The following VAMP4 variants were observed in gnomAD, a reference collection of about 807,000 sequenced individuals.
The protein encoded by VAMP4 is vesicle-associated membrane protein 4.
A neutral mutation model predicts 23.5 loss-of-function variants in VAMP4; 19 were observed. The ratio of observed to expected loss-of-function variants is 0.81; its 90% confidence interval spans 0.56 to 1.19. VAMP4 has a LOEUF of 1.19. Among genes scored for constraint, VAMP4 ranks in the 50% most tolerant of loss-of-function variants. The probability of loss-of-function intolerance (pLI) is 0.00; values close to 1 mark genes in which losing one functional copy is unlikely to be tolerated. For synonymous variants in VAMP4, 31 were observed against 51.0 expected (o/e 0.61, Z 1.67); for missense variants, 145 against 168.6 (o/e 0.86, Z 0.78).
chr1:171,720,700 T>G (rs1331131954), intron 3 of VAMP4, among the ~76,000 whole-genome samples: 2 of 152,032 alleles, frequency 1.3e-5, no homozygotes, highest in African/African-American at 4.8e-5. Context: ...AGGACTAGAT[T>G]TGTTCAGTTG....
intron 7 of VAMP4, 69 bp from the exon 8 acceptor site, chr1:171,704,603 T>C: frequency 8.0e-7 from 1 of 1,253,362 alleles, no homozygotes; most frequent in Non-Finnish European, 1.1e-6. Context: ...GAAGCAATAT[T>C]CCTAAATGTA....
chr1:171,721,053 A>G (rs1474207080), intron 3 of VAMP4, among the ~76,000 whole-genome samples: 2 of 152,138 alleles, frequency 1.3e-5, no homozygotes, highest in Non-Finnish European at 2.9e-5. Context: ...ACCAAAAAAA[A>G]TGATCATCTC....
intron 6 of VAMP4, among the ~76,000 whole-genome samples, chr1:171,707,343 A>G (rs1213673897): frequency 6.6e-6 from 1 of 152,208 alleles, no homozygotes; most frequent in African/African-American, 2.4e-5. Context: ...GTTTTGACAA[A>G]TATATCCAGC....
chr1:171,730,806 C>T (rs1250593115), intron 2 of VAMP4, among the ~76,000 whole-genome samples: 1 of 151,624 alleles, frequency 6.6e-6, no homozygotes, highest in Admixed American at 6.6e-5. Context: ...AGGGAATCTA[C>T]CATAAGAAAA....
chr1:171,709,633 C>G (rs1378435902), intron 6 of VAMP4, 32 bp downstream of exon 6: 3 of 1,602,436 alleles, frequency 1.9e-6, no homozygotes, highest in Non-Finnish European at 2.6e-6. Context: ...CAGATGCTGA[C>G]CAGTCTATCC....
chr1:171,736,193 T>A (rs1484568483), intron 2 of VAMP4, among the ~76,000 whole-genome samples: 3 of 152,186 alleles, frequency 2.0e-5, no homozygotes, highest in African/African-American at 7.2e-5. Context: ...GGCCAAGACA[T>A]GCTTTTGATA....
At chr1:171,738,585 G>A in intron 1 of VAMP4, 122 bp from the exon 2 acceptor site, 1 of 626,550 alleles carries the variant, frequency 1.6e-6, no homozygotes, top group South Asian at 2.1e-5. Context: ...TTCAATTCCT[G>A]CCCTCTCACT....
At position 171,703,724 on chromosome 1, in the gene VAMP4, CTCTT is replaced by C. The variant is rs975385505; in HGVS notation, c.*778_*781del. On this transcript the variant is annotated 3_prime_UTR_variant, in exon 8 of 8. Transcript: ENST00000236192. Reference sequence around the variant, plus strand: ...TACTCACATTAGGACTGACTGGTCTCTCTTTATTGGAGTTTAACAGAAAACAGAC... The same window carrying C: ...TACTCACATTAGGACTGACTGGTCTCTATTGGAGTTTAACAGAAAACAGAC... 3.3e-5 allele frequency: 5 copies of C among 152,068 alleles called. No individual in the cohort carries two copies. Among genetic ancestry groups the C allele is most frequent in the Non-Finnish European group, 5.9e-5 (4 of 67,770 alleles). 9.4% of individuals were successfully genotyped at this position (152,068 alleles called of 1,614,324 possible). A position where few individuals can be genotyped will look rare whatever the true frequency, so the allele number is the denominator to read the frequency against.
intron 3 of VAMP4, among the ~76,000 whole-genome samples, chr1:171,724,079 T>C (rs1655283991): frequency 6.6e-6 from 1 of 152,012 alleles, no homozygotes; most frequent in South Asian, 2.1e-4. Flanking sequence ...AACCCAAATG[T>C]CCATCAGTGA....
chr1:171,709,240 A>C (rs1213964820), intron 6 of VAMP4, among the ~76,000 whole-genome samples: 1 of 151,980 alleles, frequency 6.6e-6, no homozygotes. Context: ...ACAGATTCGG[A>C]TATGTAAGCT....
chr1:171,729,637 A>C (rs1423069729), intron 2 of VAMP4, among the ~76,000 whole-genome samples: 1 of 152,166 alleles, frequency 6.6e-6, no homozygotes, highest in African/African-American at 2.4e-5. Flanking sequence ...AAAGATGTTC[A>C]TTTCCTAATC....
In VAMP4 at chr1:171,700,706, T is replaced by TAACA. The variant is rs755680455; in HGVS notation, c.*3796_*3799dup. On this transcript the variant is annotated 3_prime_UTR_variant, in exon 8 of 8. Transcript: ENST00000236192. ...GTGGAGTCACCTCTCACTGATATAC[T>TAACA]AACATGTGGCATCTTTGTGGCTTCA... 1.2e-4 allele frequency: 19 copies of TAACA among 152,380 alleles called. 1 individual carries two copies. The highest frequency in any genetic ancestry group is 8.3e-4 in the South Asian group (4 of 4,830). The allele number at this position is 152,380 out of a possible 1,614,324, so 9.4% of individuals were successfully genotyped here. A position where few individuals can be genotyped will look rare whatever the true frequency, so the allele number is the denominator to read the frequency against.
rs1248092567 is a variant in VAMP4, at chr1:171,728,529, A to G, written c.108T>C (p.Phe36=). Residue 36 remains phenylalanine (F), a synonymous_variant, in exon 3 of 8, where the codon TTT becomes TTC. Coordinates refer to ENST00000236192, the MANE Select transcript of VAMP4 (RefSeq NM_003762.5). ...AGCTGTAAAAAAAAACTTACAGAAA[A>G]AAGTCCTCTTCTTCATCTGAATCAT... ...LEDDSDEEED[F]FLRGPSGPRF... The G allele has an allele frequency of 4.5e-6, 7 of 1,540,772 alleles. No individual in the cohort carries two copies. In the Admixed American group the frequency reaches 1.3e-4, roughly 29 times the overall value.
intron 2 of VAMP4, among the ~76,000 whole-genome samples, chr1:171,735,892 T>C (rs1655725970): frequency 6.6e-6 from 1 of 152,190 alleles, no homozygotes; most frequent in African/African-American, 2.4e-5. Context: ...AGACATGCTT[T>C]TTTTTTCTTT....
At chr1:171,732,952 C>T (rs1004012471) in intron 2 of VAMP4, among the ~76,000 whole-genome samples, 1 of 151,890 alleles carries the variant, frequency 6.6e-6, no homozygotes, top group East Asian at 1.9e-4. Context: ...ATATAAAAAG[C>T]TTTGACAAAC....
chr1:171,700,612 C>A lies in VAMP4; in HGVS notation c.*3894G>T, dbSNP rs754091166. ...CACACCCAATTACAGTAGAAGAGCA[C>A]CCCTATATCCAGGCAAAAGCAAAAG... On this transcript the variant is annotated 3_prime_UTR_variant, in exon 8 of 8. Transcript: ENST00000236192. 2.0e-5 allele frequency: 3 copies of A among 152,212 alleles called. No homozygotes were observed. The highest frequency in any genetic ancestry group is 4.4e-5 in the Non-Finnish European group (3 of 68,058). The allele number at this position is 152,212 out of a possible 1,614,324, so 9.4% of individuals were successfully genotyped here.
chr1:171,725,471 G>C (rs1463990520), intron 3 of VAMP4, among the ~76,000 whole-genome samples: 3 of 152,088 alleles, frequency 2.0e-5, no homozygotes, highest in Non-Finnish European at 4.4e-5. Context: ...TAAAAAAAAT[G>C]AGTTCCTTTT....
intron 4 of VAMP4, among the ~76,000 whole-genome samples, chr1:171,713,912 T>C (rs1486021149): frequency 2.0e-5 from 3 of 152,198 alleles, no homozygotes; most frequent in Non-Finnish European, 2.9e-5. Context: ...AAATTCTAGA[T>C]TCTTACTAGA....
At chr1:171,740,209 T>G (rs1655882782) in intron 1 of VAMP4, among the ~76,000 whole-genome samples, 1 of 152,234 alleles carries the variant, frequency 6.6e-6, no homozygotes, top group South Asian at 2.1e-4. Flanking sequence ...ATTATCAGTT[T>G]TAATCATTTG....
Sources: gnomAD v4.1 joint callset for allele counts (sites outside exome capture counted in the v4.1 genomes callset) on GRCh38, gnomAD v4.1.1 for gene constraint, MANE v1.5 for transcripts, NCBI Gene and HGNC (gene_info 2026-07-23, HGNC 2026-07-21) for gene names.